The following GALNT13 variants were observed in gnomAD, a reference collection of about 807,000 sequenced individuals.
GALNT13 encodes polypeptide N-acetylgalactosaminyltransferase 13.
Under a neutral mutation model 64.2 loss-of-function variants are expected in GALNT13, and 28 were observed. That is an observed-to-expected ratio of 0.44 (90% CI 0.32 to 0.60). The LOEUF is 0.60. Ranked by LOEUF, GALNT13 falls within the 20% of genes least tolerant of loss-of-function variation. GALNT13 has a pLI of 0.05. For missense variants in GALNT13, 577 were observed against 669.8 expected (o/e 0.86, Z 1.53); for synonymous variants, 214 against 224.6 (o/e 0.95, Z 0.42).
At chr2:154,278,222 A>G (rs1033202165) in intron 8 of GALNT13, among the ~76,000 whole-genome samples, 1 of 152,200 alleles carries the variant, frequency 6.6e-6, no homozygotes, top group Non-Finnish European at 1.5e-5. Flanking sequence ...ATAAAAATCT[A>G]TACAAAACTT....
chr2:153,367,592 A>G, the GALNT13 span, among the ~76,000 whole-genome samples: 5 of 152,280 alleles, frequency 3.3e-5, no homozygotes, highest in East Asian at 7.7e-4. Flanking sequence ...GAAAAAGGCC[A>G]GGAAAGATTT....
At chr2:153,511,284 A>G in the GALNT13 span, among the ~76,000 whole-genome samples, 5 of 149,614 alleles carry the variant, frequency 3.3e-5, no homozygotes, top group Admixed American at 6.7e-5. Flanking sequence ...GTCCACTGCA[A>G]AAAAAAAAGG....
chr2:153,975,522 C>G (rs1468163085), intron 3 of GALNT13, among the ~76,000 whole-genome samples: 1 of 152,062 alleles, frequency 6.6e-6, no homozygotes, highest in Non-Finnish European at 1.5e-5. Flanking sequence ...GCATTTTCTA[C>G]TCTTAACTAC....
chr2:153,575,478 ATG>A, the GALNT13 span, among the ~76,000 whole-genome samples: 3 of 152,196 alleles, frequency 2.0e-5, no homozygotes, highest in Non-Finnish European at 2.9e-5. Context: ...CCAAGGTCCC[ATG>A]TGGGTCCAGA....
At chr2:153,276,497 A>G in the GALNT13 span, among the ~76,000 whole-genome samples, 1 of 152,122 alleles carries the variant, frequency 6.6e-6, no homozygotes, top group Non-Finnish European at 1.5e-5. Flanking sequence ...TCCATAAACT[A>G]TATATTGAAT....
the GALNT13 span, among the ~76,000 whole-genome samples, chr2:153,257,696 G>T: frequency 4.6e-5 from 7 of 152,110 alleles, no homozygotes; most frequent in African/African-American, 1.7e-4. Flanking sequence ...AATAAAATTT[G>T]AAGCATATTG....
the GALNT13 span, among the ~76,000 whole-genome samples, chr2:153,729,855 T>G: frequency 6.6e-6 from 1 of 151,664 alleles, no homozygotes; most frequent in South Asian, 2.1e-4. Flanking sequence ...AGAACCAAAT[T>G]AAGAACCCAT....
chr2:153,774,225 C>A, the GALNT13 span, among the ~76,000 whole-genome samples: 3 of 151,876 alleles, frequency 2.0e-5, no homozygotes, highest in East Asian at 5.8e-4. Flanking sequence ...AATACTAAAT[C>A]ATAAATATTA....
the GALNT13 span, among the ~76,000 whole-genome samples, chr2:153,382,300 A>G: frequency 1.3e-5 from 2 of 152,188 alleles, no homozygotes; most frequent in African/African-American, 2.4e-5. Context: ...ATAGCACCCA[A>G]TAGGTTTTCA....
intron 3 of GALNT13, among the ~76,000 whole-genome samples, chr2:153,985,268 T>G (rs1201280683): frequency 1.3e-5 from 2 of 152,138 alleles, no homozygotes; most frequent in East Asian, 3.9e-4. Flanking sequence ...CCTTACATCC[T>G]ACTTAACTCG....
At chr2:153,701,132 G>A in the GALNT13 span, among the ~76,000 whole-genome samples, 2 of 152,050 alleles carry the variant, frequency 1.3e-5, no homozygotes, top group Admixed American at 1.3e-4. Flanking sequence ...GCATGATGCT[G>A]GTACCCAAAC....
intron 8 of GALNT13, among the ~76,000 whole-genome samples, chr2:154,266,200 T>C (rs925865279): frequency 6.6e-5 from 10 of 152,170 alleles, no homozygotes; most frequent in Non-Finnish European, 1.3e-4. Context: ...ATGCTTTCCT[T>C]CTAAGATCAG....
At position 154,311,972 on chromosome 2, in the gene GALNT13, G is replaced by A. The variant is rs183256919; in HGVS notation, c.1156+10383G>A. On this transcript the variant is annotated intron_variant, in intron 9 of 12. Transcript: ENST00000392825. ...TGCTGTTATCCTGTTCTTTTTTCAG[G>A]GTGCCCACATTTCATATTGCTCAAA... is the stretch of plus-strand genomic sequence containing the variant. 5.3e-3 allele frequency among the ~76,000 whole-genome samples: 811 copies of A among 152,118 alleles called. 5 individuals carry two copies. Among genetic ancestry groups the A allele is most frequent in the African/African-American group, 0.017 (718 of 41,498 alleles).
Position 154,162,289 on chromosome 2 carries a change from A to C in GALNT13, c.311+21784A>C, listed in dbSNP as rs1684777941. Among the ~76,000 whole-genome samples the C allele has an allele frequency of 2.6e-5, 4 of 152,256 alleles. No individual in the cohort carries two copies. In the South Asian group the frequency reaches 8.3e-4, roughly 31 times the overall value. ...TAACTGTTAAAGTTTTGTGTTATGT[A>C]GAATTCTTAAATAACATAATAATTT... On this transcript the variant is annotated intron_variant, in intron 4 of 12. Transcript: ENST00000392825.
chr2:154,219,702 A>G (rs1688225626), intron 4 of GALNT13, among the ~76,000 whole-genome samples: 1 of 152,052 alleles, frequency 6.6e-6, no homozygotes, highest in Admixed American at 6.6e-5. Context: ...CTTTTTGGGA[A>G]TGGAACTATT....
At chr2:153,163,644 C>G in the GALNT13 span, among the ~76,000 whole-genome samples, 1 of 152,078 alleles carries the variant, frequency 6.6e-6, no homozygotes, top group Non-Finnish European at 1.5e-5. Context: ...CATAGATACC[C>G]TTAAAAAGCC....
chr2:153,562,818 C>T, the GALNT13 span, among the ~76,000 whole-genome samples: 9 of 152,058 alleles, frequency 5.9e-5, no homozygotes, highest in Admixed American at 5.9e-4. Context: ...CCTTTCCTTT[C>T]CTTTACACAA....
At chr2:153,368,672 G>A in the GALNT13 span, among the ~76,000 whole-genome samples, 1 of 151,964 alleles carries the variant, frequency 6.6e-6, no homozygotes, top group South Asian at 2.1e-4. Flanking sequence ...TAAATACATA[G>A]AACACAAATT....
the GALNT13 span, among the ~76,000 whole-genome samples, chr2:153,843,615 A>G: frequency 6.6e-6 from 1 of 152,314 alleles, no homozygotes; most frequent in African/African-American, 2.4e-5. Context: ...CAAACTCTTA[A>G]CTTAGTCTGG....
Sources: allele counts gnomAD v4.1 joint callset (sites outside exome capture counted in the v4.1 genomes callset), GRCh38; gene constraint gnomAD v4.1.1; transcripts MANE v1.5; gene names NCBI Gene and HGNC (gene_info 2026-07-23, HGNC 2026-07-21).